Variants in KYAT1 observed in about 807,000 individuals in gnomAD.
The protein encoded by KYAT1 is kynurenine aminotransferase 1.
KYAT1 carries 47 observed loss-of-function variants against 52.4 expected under a neutral mutation model. The observed-to-expected ratio is 0.90, with a 90% confidence interval of 0.71 to 1.14. The LOEUF is 1.14. Among genes scored for constraint, KYAT1 ranks in the 50% most tolerant of loss-of-function variants. The pLI, the probability that KYAT1 is intolerant of heterozygous loss-of-function variation, is 0.00. For missense variants in KYAT1, 480 were observed against 557.9 expected (o/e 0.86, Z 1.41); for synonymous variants, 212 against 209.6 (o/e 1.01, Z -0.10).
chr9:128,858,159 G>A (rs995237213), intron 1 of KYAT1, among the ~76,000 whole-genome samples: 4 of 152,038 alleles, frequency 2.6e-5, no homozygotes, highest in Non-Finnish European at 5.9e-5. Flanking sequence ...CACTTTGGGA[G>A]GCTGAGGTGG....
intron 1 of KYAT1, among the ~76,000 whole-genome samples, chr9:128,874,512 T>C (rs1033702079): frequency 1.3e-5 from 2 of 151,276 alleles, no homozygotes; most frequent in Non-Finnish European, 2.9e-5. Context: ...GGTTTTACTA[T>C]GTTGCTTAGG....
Position 128,876,409 on chromosome 9 carries a change from C to T in KYAT1, c.-7+5488G>A, listed in dbSNP as rs374798424. 4.0e-3 allele frequency among the ~76,000 whole-genome samples: 496 copies of T among 124,504 alleles called. 10 individuals carry two copies. The highest frequency in any genetic ancestry group is 0.027 in the East Asian group (117 of 4,270). The allele number at this position is 124,504 out of a possible 152,430, so 81.7% of individuals were successfully genotyped here. A position where few individuals can be genotyped will look rare whatever the true frequency, so the allele number is the denominator to read the frequency against. On this transcript the variant is annotated intron_variant, in intron 1 of 12. Transcript: ENST00000302586. ...ACACCACACCCAGTCATCCTTTGTT[C>T]TTTTTTTTTTTTTTTTTTCTGTTTT...
At chr9:128,853,236 C>T (rs1564475665) in intron 1 of KYAT1, among the ~76,000 whole-genome samples, 1 of 152,174 alleles carries the variant, frequency 6.6e-6, no homozygotes, top group Admixed American at 6.5e-5. Flanking sequence ...TATTGACAAT[C>T]ATTACCCAAA....
chr9:128,856,633 C>T (rs1046112498), intron 1 of KYAT1, among the ~76,000 whole-genome samples: 6 of 152,198 alleles, frequency 3.9e-5, no homozygotes, highest in African/African-American at 1.4e-4. Flanking sequence ...TGTCTGGAAT[C>T]AAGGTTTAAG....
intron 3 of KYAT1, among the ~76,000 whole-genome samples, chr9:128,839,505 C>T (rs990577644): frequency 3.9e-5 from 6 of 152,146 alleles, no homozygotes; most frequent in Admixed American, 6.5e-5. Flanking sequence ...CACCTGTAGT[C>T]CCAGCTCTAC....
At chr9:128,844,087 G>C (rs894103479) in intron 2 of KYAT1, among the ~76,000 whole-genome samples, 30 of 152,120 alleles carry the variant, frequency 2.0e-4, no homozygotes, top group African/African-American at 6.0e-4. Flanking sequence ...ATCATCTCTG[G>C]ACCCATAATC....
chr9:128,840,560 A>G (rs1442308352), intron 3 of KYAT1: 4 of 414,312 alleles, frequency 9.7e-6, no homozygotes, highest in Non-Finnish European at 1.9e-5. Flanking sequence ...TTTTGTCTCT[A>G]GTTAAAAGAA....
chr9:128,846,600 CAA>C (rs57333664), intron 1 of KYAT1: 79,967 of 408,794 alleles, frequency 0.2, 2,270 homozygotes, highest in African/African-American at 0.37. Context: ...AAGACTCTAC[CAA>C]AAAAAAAAAA....
intron 1 of KYAT1, among the ~76,000 whole-genome samples, chr9:128,857,617 A>G (rs919160859): frequency 6.6e-6 from 1 of 152,186 alleles, no homozygotes. Context: ...CAGGCGGATC[A>G]TAAGGTCAGG....
intron 1 of KYAT1, among the ~76,000 whole-genome samples, chr9:128,854,403 T>TA (rs1834335251): frequency 6.6e-6 from 1 of 151,906 alleles, no homozygotes; most frequent in Admixed American, 6.6e-5. Context: ...AAATAAAACA[T>TA]AAAAAATAGA....
chr9:128,868,364 C>T (rs1368077160), intron 1 of KYAT1, among the ~76,000 whole-genome samples: 1 of 151,930 alleles, frequency 6.6e-6, no homozygotes, highest in Non-Finnish European at 1.5e-5. Context: ...GCCATCATGC[C>T]CAGCCTGGCC....
chr9:128,835,088 G>T, intron 11 of KYAT1: 2 of 516,992 alleles, frequency 3.9e-6, no homozygotes, highest in South Asian at 4.2e-5. Flanking sequence ...AGTGAGCCAA[G>T]ATCGCGCCAC....
intron 3 of KYAT1, among the ~76,000 whole-genome samples, chr9:128,841,806 T>C (rs1832240098): frequency 6.6e-6 from 1 of 152,022 alleles, no homozygotes; most frequent in African/African-American, 2.4e-5. Context: ...CAGACCAGTC[T>C]GAGCAACATG....
chr9:128,865,544 T>C (rs1836255608), intron 1 of KYAT1, among the ~76,000 whole-genome samples: 1 of 150,180 alleles, frequency 6.7e-6, no homozygotes, highest in Non-Finnish European at 1.5e-5. Context: ...GTATTTTTAG[T>C]AGAGGTGGGG....
chr9:128,864,408 G>C (rs922249559), intron 1 of KYAT1, among the ~76,000 whole-genome samples: 1 of 141,054 alleles, frequency 7.1e-6, no homozygotes, highest in East Asian at 2.2e-4. Context: ...AAAAAATTTT[G>C]GTAAAATACA....
At chr9:128,856,756 C>T (rs750974077) in intron 1 of KYAT1, among the ~76,000 whole-genome samples, 2 of 152,224 alleles carry the variant, frequency 1.3e-5, no homozygotes, top group East Asian at 1.9e-4. Context: ...CAACGCACTG[C>T]GGAAAGCCGC....
intron 1 of KYAT1, among the ~76,000 whole-genome samples, chr9:128,874,462 C>T (rs1837674109): frequency 6.6e-6 from 1 of 150,710 alleles, no homozygotes; most frequent in South Asian, 2.1e-4. Flanking sequence ...TAAGCACGAA[C>T]CACCATGCTC....
At chr9:128,847,432 C>G (rs1833282359) in intron 1 of KYAT1, 6 of 1,533,582 alleles carry the variant, frequency 3.9e-6, no homozygotes, top group African/African-American at 1.4e-5. Flanking sequence ...AGGGCACTTA[C>G]AGTCTGGTGC....
intron 1 of KYAT1, among the ~76,000 whole-genome samples, chr9:128,878,910 A>G (rs1014256425): frequency 6.6e-6 from 1 of 152,320 alleles, no homozygotes; most frequent in Admixed American, 6.5e-5. Flanking sequence ...CAGGTGGGGA[A>G]ACTGAGGCTT....
Sources: gnomAD v4.1 joint callset for allele counts (sites outside exome capture counted in the v4.1 genomes callset) on GRCh38, gnomAD v4.1.1 for gene constraint, MANE v1.5 for transcripts, NCBI Gene and HGNC (gene_info 2026-07-23, HGNC 2026-07-21) for gene names.